Variants in PPP1R15B observed in about 807,000 individuals in gnomAD.
PPP1R15B encodes the protein protein phosphatase 1 regulatory subunit 15B, also known as protein phosphatase 1, regulatory (inhibitor) subunit 15B.
In PPP1R15B, 31 loss-of-function variants were observed where a neutral mutation model predicts 53.9. The observed-to-expected ratio is 0.58, with a 90% CI of 0.43 to 0.78. PPP1R15B has a LOEUF of 0.78. Among genes scored for constraint, PPP1R15B ranks in the 30% least tolerant of loss-of-function variants. The pLI, the probability that PPP1R15B is intolerant of heterozygous loss-of-function variation, is 0.00. For synonymous variants in PPP1R15B, 345 were observed against 329.1 expected (o/e 1.05, Z -0.52); for missense variants, 928 against 849.6 (o/e 1.09, Z -1.15).
In PPP1R15B at chr1:204,411,141, T is replaced by C. The variant is rs1196225761; in HGVS notation, c.271A>G (p.Met91Val). The change falls in exon 1 of 2, where the codon ATG becomes GTG. Residue 91 changes from methionine to valine, a missense_variant. Transcript: ENST00000367188. ...AAATCTAGCCATCTGGTCGGAAACA[T>C]TCCACCGAAAAGTTGGCTCCAAATT... Reference protein sequence around the residue: ...VLIWSQLFGGMFPTRWLDFAG... With the variant: ...VLIWSQLFGGVFPTRWLDFAG... 9 of 1,614,188 alleles carry C rather than the reference T, an allele frequency of 5.6e-6. No individual in the cohort carries two copies. Among genetic ancestry groups the C allele is most frequent in the South Asian group, 1.1e-5 (1 of 91,084 alleles).
chr1:204,398,423 G>A (rs1223034060), downstream of PPP1R15B, among the ~76,000 whole-genome samples: 3 of 152,188 alleles, frequency 2.0e-5, no homozygotes, highest in Non-Finnish European at 4.4e-5. Flanking sequence ...GGAGGCTGCA[G>A]TGAGCTATGA....
chr1:204,409,372 G>C (rs1306136098), intron 1 of PPP1R15B, 120 bp downstream of exon 1: 1 of 1,106,104 alleles, frequency 9.0e-7, no homozygotes, highest in Non-Finnish European at 1.3e-6. Context: ...CCAAGTATAT[G>C]AATTTAGAGG....
Position 204,406,333 on chromosome 1 carries a change from TTTTAATAACTGTC to T in PPP1R15B, c.1921-33_1921-21del, listed in dbSNP as rs767624654. The T allele has an allele frequency of 6.2e-7, 1 of 1,612,460 alleles. No individual in the cohort carries two copies. Among genetic ancestry groups the T allele is most frequent in the African/African-American group, 1.3e-5 (1 of 74,988 alleles). On this transcript the variant is annotated intron_variant, in intron 1 of 1. Coordinates refer to ENST00000367188, the MANE Select transcript of PPP1R15B (RefSeq NM_032833.5). Reference sequence around the variant, plus strand: ...GGTTACCTACAAAAACAAAGACTAATTTTAATAACTGTCTAGGATCTTACAATCAGCATTGAGG... The same window carrying T: ...GGTTACCTACAAAAACAAAGACTAATTAGGATCTTACAATCAGCATTGAGG...
At position 204,410,806 on chromosome 1, in the gene PPP1R15B, A is replaced by T. The variant is rs748043847; in HGVS notation, c.606T>A (p.Ser202=). 11 of 1,614,234 alleles carry T rather than the reference A, an allele frequency of 6.8e-6. No homozygotes were observed. In the East Asian group the frequency reaches 2.0e-4, roughly 29 times the overall value. The change falls in exon 1 of 2, where the codon TCT becomes TCA. Residue 202 remains serine, a synonymous_variant. Coordinates refer to ENST00000367188, the MANE Select transcript of PPP1R15B (RefSeq NM_032833.5). ...GAATGTTTAGAGGCCCAGAGGGCGA[A>T]GAGCCAAGTTCCCGGTTAGAGTACA... ...SRLYSNRELG[S]SPSGPLNIQR... is the part of the protein sequence containing the mutation.
chr1:204,405,469 A>G lies in PPP1R15B; in HGVS notation c.*623T>C, dbSNP rs1359955206. ...AGTCCTTGGAAATATCCTAGGTAGA[A>G]CTTAATGTAGAAATAAAAAGGCTAC... On this transcript the variant is annotated 3_prime_UTR_variant, in exon 2 of 2. Coordinates refer to ENST00000367188, the MANE Select transcript of PPP1R15B (RefSeq NM_032833.5). The G allele has an allele frequency of 3.0e-6, 3 of 983,724 alleles. No individual in the cohort carries two copies. The African/African-American group carries it at 5.2e-5, about 17-fold the overall frequency. The allele number at this position is 983,724 out of a possible 1,614,324, so 60.9% of individuals were successfully genotyped here.
rs1674372275 is a variant in PPP1R15B at position 204,411,277 on chromosome 1, G to A, written c.135C>T (p.Ser45=). 6.2e-7 allele frequency: 1 copy of A among 1,614,200 alleles called. No homozygotes were observed. ...CAGAGGAAAGCAGTGTGGGGTTCCC[G>A]GAGTTTTCCGGGCCAAGAGGCGTCG... ...KFPTPLGPEN[S]GNPTLLSSAQ... The change falls in exon 1 of 2, where the codon TCC becomes TCT. Residue 45 remains serine, a synonymous_variant. Transcript: ENST00000367188.
downstream of PPP1R15B, among the ~76,000 whole-genome samples, chr1:204,401,787 G>A (rs1286327975): frequency 6.6e-6 from 1 of 152,104 alleles, no homozygotes; most frequent in Admixed American, 6.6e-5. Context: ...TGAGTGCGGT[G>A]GTGTGCACCT....
At position 204,410,278 on chromosome 1, in the gene PPP1R15B, T is replaced by G; in HGVS notation, c.1134A>C (p.Glu378Asp). Reference protein sequence around the residue: ...LTTEVPLALEEESPSEGCPSS... With the variant: ...LTTEVPLALEDESPSEGCPSS... Reference sequence around the variant, plus strand: ...ATGGACAGCCCTCAGAAGGGCTCTCTTCTTCCAAAGCAAGTGGAACCTCTG... The same window carrying G: ...ATGGACAGCCCTCAGAAGGGCTCTCGTCTTCCAAAGCAAGTGGAACCTCTG... Residue 378 changes from glutamate (E) to aspartate (D), a missense_variant, in exon 1 of 2, where the codon GAA (glutamate) becomes GAC (aspartate). By Grantham distance (45) the Glu-to-Asp change is conservative (BLOSUM62 2). Coordinates refer to ENST00000367188, the MANE Select transcript of PPP1R15B (RefSeq NM_032833.5). 6.2e-7 allele frequency: 1 copy of G among 1,614,226 alleles called. No homozygotes were observed. The highest frequency in any genetic ancestry group is 8.5e-7 in the Non-Finnish European group (1 of 1,180,030).
At chr1:204,406,414 A>C in intron 1 of PPP1R15B, 101 bp from the exon 2 acceptor site, 1 of 1,383,058 alleles carries the variant, frequency 7.2e-7, no homozygotes, top group Non-Finnish European at 9.7e-7. Flanking sequence ...AATATTCCCA[A>C]CTAAGAATAA....
At chr1:204,396,704 G>A (rs571912044), downstream of PPP1R15B, among the ~76,000 whole-genome samples, 171 of 152,222 alleles carry the variant, frequency 1.1e-3, no homozygotes, top group African/African-American at 3.7e-3. Flanking sequence ...ATGACTACAC[G>A]TGTTTATCAA....
chr1:204,410,562 G>A lies in PPP1R15B; in HGVS notation c.850C>T (p.Pro284Ser). Residue 284 changes from proline to serine, a missense_variant, in exon 1 of 2, where the codon CCT (proline) becomes TCT (serine). Coordinates refer to ENST00000367188, the MANE Select transcript of PPP1R15B (RefSeq NM_032833.5). The stretch of plus-strand genomic sequence containing the variant: ...TCTGGTAGGCCTTCCGTAGAAAGAG[G>A]TGGACATCCCTGCCACGAGGCCGGA... ...LIPASWQGCP[P>S]LSTEGLPEIH... 1 of 1,614,062 alleles carries A rather than the reference G, an allele frequency of 6.2e-7. No homozygotes were observed. Among genetic ancestry groups the A allele is most frequent in the Non-Finnish European group, 8.5e-7 (1 of 1,179,972 alleles).
chr1:204,410,934 G>A lies in PPP1R15B; in HGVS notation c.478C>T (p.Leu160Phe). The A allele has an allele frequency of 1.9e-6, 3 of 1,614,094 alleles. No homozygotes were observed. Among genetic ancestry groups the A allele is most frequent in the Non-Finnish European group, 2.5e-6 (3 of 1,180,006 alleles). The stretch of plus-strand genomic sequence containing the variant: ...TCCAAAGCACTTCCCTTGGCCTTAA[G>A]CTCCAATTTTAGGTCTGGGGGCGAG... ...QYSPPDLKLELKAKGSALDPA... is the reference protein window; with the variant it reads ...QYSPPDLKLEFKAKGSALDPA... The change falls in exon 1 of 2, where the codon CTT becomes TTT. Residue 160 changes from leucine (L) to phenylalanine (F), a missense_variant. Transcript: ENST00000367188.
rs1421237503 is a variant in PPP1R15B at position 204,409,978 on chromosome 1, C to G, written c.1434G>C (p.Trp478Cys). The change falls in exon 1 of 2, where the codon TGG becomes TGC. Residue 478 changes from tryptophan to cysteine, a missense_variant. Physicochemically the swap from Trp to Cys is radical, Grantham distance 215. Coordinates refer to ENST00000367188, the MANE Select transcript of PPP1R15B (RefSeq NM_032833.5). Reference sequence around the variant, plus strand: ...AAGGATCTACACTGCAGAAAGAGTTCCAAAGGTGAAGCCCTTCAGGGTCTT... The same window carrying G: ...AAGGATCTACACTGCAGAAAGAGTTGCAAAGGTGAAGCCCTTCAGGGTCTT... ...LEQDPEGLHLWNSFCSVDPYN... is the reference protein window; with the variant it reads ...LEQDPEGLHLCNSFCSVDPYN... The G allele has an allele frequency of 6.2e-7, 1 of 1,614,158 alleles. No individual in the cohort carries two copies. Among genetic ancestry groups the G allele is most frequent in the Admixed American group, 1.7e-5 (1 of 60,028 alleles).
In PPP1R15B at chr1:204,403,460, T is replaced by A; in HGVS notation, c.*2632A>T. 1 of 840,082 alleles carries A rather than the reference T, an allele frequency of 1.2e-6. No individual in the cohort carries two copies. Among genetic ancestry groups the A allele is most frequent in the Non-Finnish European group, 1.4e-6 (1 of 697,426 alleles). The allele number at this position is 840,082 out of a possible 1,614,324, so 52.0% of individuals were successfully genotyped here. The stretch of plus-strand genomic sequence containing the variant: ...ATATACACAAATATAATTTTAACTA[T>A]AAAATCCCAACTAGTTACATTTAAA... On this transcript the variant is annotated 3_prime_UTR_variant, in exon 2 of 2. Coordinates refer to ENST00000367188, the MANE Select transcript of PPP1R15B (RefSeq NM_032833.5).
In PPP1R15B at chr1:204,411,612, C is replaced by T; in HGVS notation, c.-201G>A. 1 of 660,546 alleles carries T rather than the reference C, an allele frequency of 1.5e-6. No homozygotes were observed. The highest frequency in any genetic ancestry group is 2.5e-6 in the Non-Finnish European group (1 of 392,498). The allele number at this position is 660,546 out of a possible 1,614,324, so 40.9% of individuals were successfully genotyped here. A position where few individuals can be genotyped will look rare whatever the true frequency, so the allele number is the denominator to read the frequency against. On this transcript the variant is annotated 5_prime_UTR_variant, in exon 1 of 2. Coordinates refer to ENST00000367188, the MANE Select transcript of PPP1R15B (RefSeq NM_032833.5). The stretch of plus-strand genomic sequence containing the variant: ...GCAGAACACAGGGAAGAACAGCCCG[C>T]GCAATAGGCGGCGACTGATGCGACT...
chr1:204,406,370 G>A, intron 1 of PPP1R15B, 57 bp from the exon 2 acceptor site: 1 of 1,585,152 alleles, frequency 6.3e-7, no homozygotes, highest in Non-Finnish European at 8.6e-7. Context: ...TCAGCATTGA[G>A]GTCAATAACC....
chr1:204,397,211 T>TAATAA (rs560020368), downstream of PPP1R15B, among the ~76,000 whole-genome samples: 1,879 of 150,708 alleles, frequency 0.012, 45 homozygotes, highest in African/African-American at 0.042. Flanking sequence ...CATAAATAAA[T>TAATAA]AATAAAATAA....
chr1:204,404,208 G>A lies in PPP1R15B; in HGVS notation c.*1884C>T. The A allele has an allele frequency of 1.0e-6, 1 of 985,326 alleles. No homozygotes were observed. The highest frequency in any genetic ancestry group is 1.2e-6 in the Non-Finnish European group (1 of 829,908). The allele number at this position is 985,326 out of a possible 1,614,324, so 61.0% of individuals were successfully genotyped here. ...GTGCTCCCTATGATTACCTAAAGTG[G>A]AGGTGCACAAAACACACAGAATCCC... On this transcript the variant is annotated 3_prime_UTR_variant, in exon 2 of 2. Transcript: ENST00000367188.
rs1469260557 is a variant in PPP1R15B at position 204,410,666 on chromosome 1, C to T, written c.746G>A (p.Gly249Asp). The change falls in exon 1 of 2, where the codon GGC becomes GAC. Residue 249 changes from glycine (G) to aspartate (D), a missense_variant. Transcript: ENST00000367188. ...QNSDGNSEVV[G>D]FQTLTPESSC... ...GCTCTCTGGGGTTAGTGTCTGGAAG[C>T]CGACTACCTCGCTATTTCCATCACT... is the stretch of plus-strand genomic sequence containing the variant. The T allele has an allele frequency of 5.0e-6, 8 of 1,613,860 alleles. No homozygotes were observed. The East Asian group carries it at 1.8e-4, about 36-fold the overall frequency.
Sources: gnomAD v4.1 joint callset for allele counts (sites outside exome capture counted in the v4.1 genomes callset) on GRCh38, gnomAD v4.1.1 for gene constraint, MANE v1.5 for transcripts, NCBI Gene and HGNC (gene_info 2026-07-23, HGNC 2026-07-21) for gene names.